The following ALX4 variants were observed in gnomAD, a reference collection of about 807,000 sequenced individuals.
ALX4 encodes ALX homeobox 4.
Under a neutral mutation model 40.6 loss-of-function variants are expected in ALX4, and 22 were observed. The ratio of observed to expected loss-of-function variants is 0.54; its 90% CI spans 0.39 to 0.77. The LOEUF is 0.77. Ranked by LOEUF, ALX4 falls within the 30% of genes least tolerant of loss-of-function variation. The pLI is 0.00. For missense variants in ALX4, 556 were observed against 564.8 expected (o/e 0.98, Z 0.16); for synonymous variants, 266 against 240.5 (o/e 1.11, Z -0.98).
chr11:44,294,933 T>A (rs1289680436), intron 1 of ALX4, among the ~76,000 whole-genome samples: 1 of 152,108 alleles, frequency 6.6e-6, no homozygotes, highest in Non-Finnish European at 1.5e-5. Context: ...CACTGCAACC[T>A]CTGCCTCCTG....
intron 2 of ALX4, among the ~76,000 whole-genome samples, chr11:44,271,296 AAAG>A (rs1186030722): frequency 6.6e-6 from 1 of 152,254 alleles, no homozygotes; most frequent in Non-Finnish European, 1.5e-5. Context: ...AACTAAAGTC[AAAG>A]AAGCACTAGG....
chr11:44,276,892 T>C (rs1956281091), intron 1 of ALX4, among the ~76,000 whole-genome samples: 1 of 152,134 alleles, frequency 6.6e-6, no homozygotes, highest in Non-Finnish European at 1.5e-5. Context: ...GCAGTAATGC[T>C]TGCTCACCTG....
rs769148200 is a variant in ALX4 at position 44,309,764 on chromosome 11, T to C, written c.299A>G (p.Gln100Arg). The change falls in exon 1 of 4, where the codon CAG (glutamine) becomes CGG (arginine). Residue 100 changes from glutamine to arginine, a missense_variant. By Grantham distance (43) the Gln-to-Arg change is conservative. Coordinates refer to ENST00000652299, the MANE Select transcript of ALX4 (RefSeq NM_021926.4). ...CTGCGGCTGCGGCTGCGGCGGCGGC[T>C]GGGGCTGCGGGGTCGACGGCTGGGG... ...FQPQPSTPQP[Q>R]PPPQPQPQQQ... 1.9e-6 allele frequency: 3 copies of C among 1,545,418 alleles called. No individual in the cohort carries two copies. The highest frequency in any genetic ancestry group is 2.4e-5 in the South Asian group (2 of 84,160).
chr11:44,266,065 G>C (rs1341590498), intron 3 of ALX4, among the ~76,000 whole-genome samples: 2 of 151,662 alleles, frequency 1.3e-5, no homozygotes, highest in African/African-American at 4.8e-5. Context: ...CATGTGTCTG[G>C]AGCACACTCG....
chr11:44,294,654 T>C (rs1956392530), intron 1 of ALX4, among the ~76,000 whole-genome samples: 1 of 151,924 alleles, frequency 6.6e-6, no homozygotes, highest in Non-Finnish European at 1.5e-5. Context: ...TAATCATAGA[T>C]TCAGTAATAA....
intron 1 of ALX4, among the ~76,000 whole-genome samples, chr11:44,299,799 G>A (rs1000592025): frequency 1.3e-4 from 20 of 152,284 alleles, no homozygotes; most frequent in Admixed American, 1.2e-3. Flanking sequence ...AGCAAGACTC[G>A]ACTCTTCCTT....
intron 1 of ALX4, among the ~76,000 whole-genome samples, chr11:44,290,988 C>T (rs1956365408): frequency 6.6e-6 from 1 of 152,224 alleles, no homozygotes; most frequent in South Asian, 2.1e-4. Context: ...CAACGTTGCT[C>T]AGCCTGCAAC....
At chr11:44,294,001 C>T (rs1286366944) in intron 1 of ALX4, among the ~76,000 whole-genome samples, 4 of 152,030 alleles carry the variant, frequency 2.6e-5, no homozygotes, top group Non-Finnish European at 5.9e-5. Context: ...GAAAACCCCT[C>T]CCAGTGCACC....
intron 1 of ALX4, among the ~76,000 whole-genome samples, chr11:44,303,753 G>A (rs1158534356): frequency 6.6e-6 from 1 of 152,232 alleles, no homozygotes; most frequent in Non-Finnish European, 1.5e-5. Context: ...CAACTAGGGG[G>A]CCGCTGCCCT....
At chr11:44,267,834 C>G (rs1564998797) in intron 2 of ALX4, among the ~76,000 whole-genome samples, 1 of 152,176 alleles carries the variant, frequency 6.6e-6, no homozygotes, top group East Asian at 1.9e-4. Flanking sequence ...TATCTTACCC[C>G]CACTAGCCAT....
chr11:44,305,421 T>G (rs1333313205), intron 1 of ALX4, among the ~76,000 whole-genome samples: 3 of 152,190 alleles, frequency 2.0e-5, no homozygotes, highest in Non-Finnish European at 4.4e-5. Flanking sequence ...CCTCCAAAAT[T>G]AAACAACAGT....
chr11:44,270,660 C>T (rs541636567), intron 2 of ALX4, among the ~76,000 whole-genome samples: 1 of 152,286 alleles, frequency 6.6e-6, no homozygotes, highest in South Asian at 2.1e-4. Flanking sequence ...CACGCCCGTT[C>T]CTGTGCCTCC....
At chr11:44,272,195 G>C (rs974113039) in intron 2 of ALX4, among the ~76,000 whole-genome samples, 7 of 152,234 alleles carry the variant, frequency 4.6e-5, no homozygotes, top group African/African-American at 2.4e-5. Context: ...ACATTCATTA[G>C]GCACTGGAGG....
intron 1 of ALX4, among the ~76,000 whole-genome samples, chr11:44,280,687 A>C (rs1033965725): frequency 5.3e-5 from 8 of 152,210 alleles, no homozygotes; most frequent in Admixed American, 1.3e-4. Context: ...TAGTGAACCT[A>C]CATCACTGAG....
rs999168943 is a variant in ALX4 at position 44,261,350 on chromosome 11, G to A, written c.*3504C>T. On this transcript the variant is annotated 3_prime_UTR_variant, in exon 4 of 4. Coordinates refer to ENST00000652299, the MANE Select transcript of ALX4 (RefSeq NM_021926.4). ...GCCGAAATGACAGGAGATGGGGCAC[G>A]GAGCTGGGTCCAGTGTGATCACAGC... 6 of 152,208 alleles carry A rather than the reference G, an allele frequency of 3.9e-5. No homozygotes were observed. Among genetic ancestry groups the A allele is most frequent in the African/African-American group, 7.2e-5 (3 of 41,432 alleles). The allele number at this position is 152,208 out of a possible 1,614,324, so 9.4% of individuals were successfully genotyped here. A position where few individuals can be genotyped will look rare whatever the true frequency, so the allele number is the denominator to read the frequency against.
In ALX4 at chr11:44,309,589, G is replaced by A; in HGVS notation, c.466+8C>T. 6.3e-7 allele frequency: 1 copy of A among 1,576,572 alleles called. No homozygotes were observed. The highest frequency in any genetic ancestry group is 8.5e-7 in the Non-Finnish European group (1 of 1,170,298). On this transcript the variant is annotated splice_region_variant and intron_variant, in intron 1 of 3. Coordinates refer to ENST00000652299, the MANE Select transcript of ALX4 (RefSeq NM_021926.4). Reference sequence around the variant, plus strand: ...CCCCAGCACCAGGTGACCCGCACGTGCACTCACCGTAGCAGGGAACCTGCA... The same window carrying A: ...CCCCAGCACCAGGTGACCCGCACGTACACTCACCGTAGCAGGGAACCTGCA...
At position 44,275,047 on chromosome 11, in the gene ALX4, G is replaced by C. The variant is rs184029103; in HGVS notation, c.777+301C>G. Among the ~76,000 whole-genome samples, 191 of 152,294 alleles carry C rather than the reference G, an allele frequency of 1.3e-3. 1 individual carries two copies. Among genetic ancestry groups the C allele is most frequent in the African/African-American group, 4.2e-3 (173 of 41,544 alleles). On this transcript the variant is annotated intron_variant, in intron 2 of 3. Transcript: ENST00000652299. ...GTGAAAGAGCCAGGACTCTTACACT[G>C]TGTAAAGCCCAGAAACAGCCAGCAG...
intron 2 of ALX4, among the ~76,000 whole-genome samples, chr11:44,268,128 G>C (rs373839014): frequency 3.3e-5 from 5 of 152,154 alleles, no homozygotes; most frequent in Admixed American, 2.6e-4. Context: ...CTTCTTGTTG[G>C]AGACAGTCTC....
intron 2 of ALX4, among the ~76,000 whole-genome samples, chr11:44,272,668 G>T (rs1459644918): frequency 1.3e-5 from 2 of 151,762 alleles, no homozygotes; most frequent in Non-Finnish European, 2.9e-5. Context: ...AATTAGCTGG[G>T]TGTAGTGGTG....
Sources: allele counts gnomAD v4.1 joint callset (sites outside exome capture counted in the v4.1 genomes callset), GRCh38; gene constraint gnomAD v4.1.1; transcripts MANE v1.5; gene names NCBI Gene and HGNC (gene_info 2026-07-23, HGNC 2026-07-21).